The following NUP155 variants were observed in gnomAD, a reference collection of about 807,000 sequenced individuals.
The protein encoded by NUP155 is nucleoporin 155.
In NUP155, 71 loss-of-function variants were observed where a neutral mutation model predicts 180.4. The ratio of observed to expected loss-of-function variants is 0.39; its 90% CI spans 0.33 to 0.48. The LOEUF is 0.48. Ranked by LOEUF, NUP155 falls within the 20% of genes least tolerant of loss-of-function variation. The pLI, the probability that NUP155 is intolerant of heterozygous loss-of-function variation, is 0.91. For missense variants in NUP155, 1,553 were observed against 1,648.9 expected, an observed-to-expected ratio of 0.94 and a Z score of 1.01; for synonymous variants, 582 against 559.5, an observed-to-expected ratio of 1.04 and a Z score of -0.57.
In NUP155 at chr5:37,304,728, A is replaced by G; in HGVS notation, c.3162+11T>C. On this transcript the variant is annotated intron_variant, in intron 27 of 34. Transcript: ENST00000231498. ...GAATAATTAACACAACTGCAATAAAAAAAGATTTACCTGTAGCAGCTTATC... is the reference window on the plus strand; with the variant it reads ...GAATAATTAACACAACTGCAATAAAGAAAGATTTACCTGTAGCAGCTTATC... 1 of 1,559,156 alleles carries G rather than the reference A, an allele frequency of 6.4e-7. No homozygotes were observed. The highest frequency in any genetic ancestry group is 8.8e-7 in the Non-Finnish European group (1 of 1,130,556).
At position 37,298,856 on chromosome 5, in the gene NUP155, A is replaced by C. The variant is rs759502908; in HGVS notation, c.3793+12T>G. The C allele has an allele frequency of 8.2e-6, 12 of 1,456,674 alleles. No individual in the cohort carries two copies. Among genetic ancestry groups the C allele is most frequent in the Non-Finnish European group, 1.1e-5 (11 of 1,036,966 alleles). 90.2% of individuals were successfully genotyped at this position (1,456,674 alleles called of 1,614,324 possible). A position where few individuals can be genotyped will look rare whatever the true frequency, so the allele number is the denominator to read the frequency against. Reference sequence around the variant, plus strand: ...CAGAAAATACGTGACTGCACCTAAGATCACAGCTTACCTAAAGGAAAGAAG... The same window carrying C: ...CAGAAAATACGTGACTGCACCTAAGCTCACAGCTTACCTAAAGGAAAGAAG... On this transcript the variant is annotated intron_variant, in intron 32 of 34. Transcript: ENST00000231498.
chr5:37,294,996 C>A (rs192271884), intron 32 of NUP155, among the ~76,000 whole-genome samples: 2 of 152,130 alleles, frequency 1.3e-5, no homozygotes, highest in African/African-American at 2.4e-5. Flanking sequence ...GAGGACTTCA[C>A]TGATAATTTT....
At chr5:37,336,220 C>T (rs1745319344) in intron 12 of NUP155, among the ~76,000 whole-genome samples, 1 of 152,118 alleles carries the variant, frequency 6.6e-6, no homozygotes, top group African/African-American at 2.4e-5. Context: ...GTGTCTCACA[C>T]CTGTAATCCC....
chr5:37,359,193 T>C (rs962601883), intron 3 of NUP155, among the ~76,000 whole-genome samples: 4 of 149,434 alleles, frequency 2.7e-5, no homozygotes, highest in Non-Finnish European at 5.9e-5. Flanking sequence ...TATAAAAATA[T>C]TTTTCATTAT....
chr5:37,357,972 G>A (rs1255597362), intron 4 of NUP155, 109 bp downstream of exon 4: 30 of 773,374 alleles, frequency 3.9e-5, no homozygotes, highest in South Asian at 2.2e-4. Flanking sequence ...CAGCCTACTC[G>A]ATGGAACGAG....
chr5:37,309,798 T>TA (rs1484432913), intron 23 of NUP155, among the ~76,000 whole-genome samples: 2 of 152,144 alleles, frequency 1.3e-5, no homozygotes, highest in East Asian at 3.8e-4. Context: ...CTCATGTCTA[T>TA]AATCCCAACA....
intron 14 of NUP155, 79 bp downstream of exon 14, chr5:37,331,606 C>T (rs1420383978): frequency 5.5e-6 from 4 of 730,756 alleles, no homozygotes; most frequent in Non-Finnish European, 2.3e-6. Context: ...TACAGTATTC[C>T]AGTCCCAATT....
chr5:37,348,035 G>A (rs985175884), intron 9 of NUP155, among the ~76,000 whole-genome samples: 25 of 152,232 alleles, frequency 1.6e-4, no homozygotes, highest in African/African-American at 6.0e-4. Flanking sequence ...TCGGGAGGCT[G>A]AGGCAGGAGA....
chr5:37,299,063 T>C (rs1437436021), intron 31 of NUP155, 85 bp from the exon 32 acceptor site: 5 of 799,528 alleles, frequency 6.3e-6, no homozygotes, highest in Non-Finnish European at 8.7e-6. Flanking sequence ...TGTTTCAAGG[T>C]TCAAAATACT....
rs532763881 is a variant in NUP155, at chr5:37,314,185, TA to T, written c.2436+12del. On this transcript the variant is annotated intron_variant, in intron 22 of 34. Coordinates refer to ENST00000231498, the MANE Select transcript of NUP155 (RefSeq NM_153485.3). The stretch of plus-strand genomic sequence containing the variant: ...TATTAATGGTATAATCATAAAAAAA[TA>T]AAAAAAATTACCTTCTGAAGTTCTG... 34 of 1,585,138 alleles carry T rather than the reference TA, an allele frequency of 2.1e-5. No homozygotes were observed. The highest frequency in any genetic ancestry group is 2.7e-5 in the African/African-American group (2 of 74,032).
At chr5:37,307,072 C>A (rs1036885169) in intron 25 of NUP155, among the ~76,000 whole-genome samples, 2 of 151,600 alleles carry the variant, frequency 1.3e-5, no homozygotes, top group Non-Finnish European at 2.9e-5. Flanking sequence ...GTGGTGTGCA[C>A]CTGTAATCCC....
chr5:37,337,990 A>G (rs1379638574), intron 11 of NUP155, 72 bp from the exon 12 acceptor site: 7 of 983,612 alleles, frequency 7.1e-6, no homozygotes, highest in African/African-American at 1.6e-5. Flanking sequence ...AATAATTATT[A>G]GGTTAGTGCA....
intron 18 of NUP155, among the ~76,000 whole-genome samples, chr5:37,326,575 C>A (rs1744612328): frequency 6.6e-6 from 1 of 152,202 alleles, no homozygotes; most frequent in Non-Finnish European, 1.5e-5. Context: ...AACTCTGCCA[C>A]CACCAACTAA....
At chr5:37,335,370 C>A (rs1390672049) in intron 12 of NUP155, among the ~76,000 whole-genome samples, 1 of 123,464 alleles carries the variant, frequency 8.1e-6, no homozygotes, top group African/African-American at 2.8e-5. Flanking sequence ...CAGAGCAAAA[C>A]CCTGTCTCAG....
intron 28 of NUP155, 133 bp from the exon 29 acceptor site, chr5:37,303,041 G>C (rs1174014975): frequency 2.7e-6 from 3 of 1,122,336 alleles, no homozygotes; most frequent in East Asian, 2.5e-5. Context: ...AAAATCATTA[G>C]ATTTAAAAAA....
In NUP155 at chr5:37,310,618, G is replaced by A. The variant is rs113431287; in HGVS notation, c.2562C>T (p.Gly854=). The change falls in exon 23 of 35, where the codon GGC becomes GGT. Residue 854 remains glycine (G), a synonymous_variant. Coordinates refer to ENST00000231498, the MANE Select transcript of NUP155 (RefSeq NM_153485.3). Reference sequence around the variant, plus strand: ...AGATATCCTGTAAATGTAAACTAATGCCATCAACAGCGGCATTATCTCTGA... The same window carrying A: ...AGATATCCTGTAAATGTAAACTAATACCATCAACAGCGGCATTATCTCTGA... ...CYIRDNAAVD[G]ISLHLQDICP... 1 of 1,613,528 alleles carries A rather than the reference G, an allele frequency of 6.2e-7. No homozygotes were observed. The highest frequency in any genetic ancestry group is 1.1e-5 in the South Asian group (1 of 91,036).
intron 1 of NUP155, among the ~76,000 whole-genome samples, chr5:37,367,816 C>G (rs1479810679): frequency 6.6e-6 from 1 of 152,002 alleles, no homozygotes; most frequent in African/African-American, 2.4e-5. Flanking sequence ...AAGAGTCTCC[C>G]TCTATTGCCC....
rs763533963 is a variant in NUP155 at position 37,309,452 on chromosome 5, C to T, written c.2629-185G>A. The T allele has an allele frequency of 3.7e-5, 21 of 572,498 alleles. No homozygotes were observed. The East Asian group carries it at 6.4e-4, about 17-fold the overall frequency. 35.5% of individuals were successfully genotyped at this position (572,498 alleles called of 1,614,324 possible). On this transcript the variant is annotated intron_variant, in intron 23 of 34. Transcript: ENST00000231498. ...TTTTGACCAAAGATTCCTAGCTATT[C>T]TTAATTCCTCTCCCAAATATGTTAA...
In NUP155 at chr5:37,307,371, T is replaced by C. The variant is rs774948031; in HGVS notation, c.2829A>G (p.Gln943=). 1.9e-6 allele frequency: 3 copies of C among 1,613,874 alleles called. No individual in the cohort carries two copies. Among genetic ancestry groups the C allele is most frequent in the Non-Finnish European group, 1.7e-6 (2 of 1,179,900 alleles). The change falls in exon 25 of 35, where the codon CAA becomes CAG. Residue 943 remains glutamine, a synonymous_variant. Coordinates refer to ENST00000231498, the MANE Select transcript of NUP155 (RefSeq NM_153485.3). ...GTTTATAGAAATGAAGCCCAAGACC[T>C]TGAGGATCTTTTTTCTCTGCAGCCG... ...SLTAAEKKDP[Q]GLGLHFYKHG... is the part of the protein sequence containing the mutation.
Sources: gnomAD v4.1 joint callset for allele counts (sites outside exome capture counted in the v4.1 genomes callset) on GRCh38, gnomAD v4.1.1 for gene constraint, MANE v1.5 for transcripts, NCBI Gene and HGNC (gene_info 2026-07-23, HGNC 2026-07-21) for gene names.